CCDC13: variants seen among roughly 807,000 people sequenced by gnomAD.
CCDC13 encodes the protein coiled-coil domain-containing protein 13.
CCDC13 carries 70 observed loss-of-function variants against 87.3 expected under a neutral mutation model. The observed-to-expected ratio is 0.80, with a 90% CI of 0.66 to 0.98. The LOEUF is 0.98. Among genes scored for constraint, CCDC13 ranks in the 50% least tolerant of loss-of-function variants. The probability of loss-of-function intolerance (pLI) is 0.00; values close to 1 mark genes in which losing one functional copy is unlikely to be tolerated. For missense variants in CCDC13, 842 were observed against 892.0 expected (o/e 0.94, Z 0.71); for synonymous variants, 317 against 360.3 (o/e 0.88, Z 1.36).
chr3:42,731,810 C>A (rs1338876087), intron 12 of CCDC13, among the ~76,000 whole-genome samples: 1 of 152,168 alleles, frequency 6.6e-6, no homozygotes, highest in East Asian at 1.9e-4. Context: ...GTCCTGTCAC[C>A]TGTGGGAGGG....
intron 5 of CCDC13, among the ~76,000 whole-genome samples, chr3:42,748,147 T>G (rs1699470193): frequency 6.6e-6 from 1 of 152,186 alleles, no homozygotes; most frequent in African/African-American, 2.4e-5. Flanking sequence ...GGCTGACTAC[T>G]TCTCTGTCTT....
intron 1 of CCDC13, among the ~76,000 whole-genome samples, chr3:42,769,978 G>A (rs1013786068): frequency 6.6e-6 from 1 of 152,232 alleles, no homozygotes; most frequent in African/African-American, 2.4e-5. Context: ...GCGCGCCCCA[G>A]CCTCCCCAAC....
intron 13 of CCDC13, among the ~76,000 whole-genome samples, chr3:42,725,696 T>C (rs1294585050): frequency 6.6e-6 from 1 of 151,994 alleles, no homozygotes; most frequent in Non-Finnish European, 1.5e-5. Flanking sequence ...GTTCAGGGAA[T>C]CTAAGCCAAT....
At chr3:42,721,103 G>A (rs549228167) in intron 13 of CCDC13, among the ~76,000 whole-genome samples, 168 of 152,256 alleles carry the variant, frequency 1.1e-3, no homozygotes, top group South Asian at 5.4e-3. Flanking sequence ...TGTGTTACTG[G>A]TATATGTTCC....
At chr3:42,722,998 C>T (rs554628531) in intron 13 of CCDC13, among the ~76,000 whole-genome samples, 1 of 152,074 alleles carries the variant, frequency 6.6e-6, no homozygotes, top group African/African-American at 2.4e-5. Flanking sequence ...GGGGTTTCAC[C>T]CTGTTAGCCA....
intron 5 of CCDC13, among the ~76,000 whole-genome samples, chr3:42,751,227 C>T (rs1256428284): frequency 6.6e-6 from 1 of 152,144 alleles, no homozygotes; most frequent in East Asian, 1.9e-4. Flanking sequence ...GGCCTGGCTT[C>T]CCAAGAAAAC....
intron 14 of CCDC13, 138 bp downstream of exon 14, chr3:42,713,024 C>T (rs939632170): frequency 1.7e-5 from 16 of 955,556 alleles, no homozygotes; most frequent in Non-Finnish European, 2.3e-5. Context: ...ACAGTGGAGG[C>T]AGGCAGAGCT....
At chr3:42,742,763 C>G in intron 8 of CCDC13, 133 bp downstream of exon 8, 1 of 1,108,040 alleles carries the variant, frequency 9.0e-7, no homozygotes, top group Non-Finnish European at 1.3e-6. Context: ...CAGAGGTGAC[C>G]CAGGTCCCCA....
Position 42,709,667 on chromosome 3 carries a change from G to T in CCDC13, c.1988+17C>A. Reference sequence around the variant, plus strand: ...CAGACAACCCTACCCTTTCAGGAAGGCGGGGCAGGGGAGCACCTGGTTGTC... The same window carrying T: ...CAGACAACCCTACCCTTTCAGGAAGTCGGGGCAGGGGAGCACCTGGTTGTC... On this transcript the variant is annotated intron_variant, in intron 15 of 15. Transcript: ENST00000310232. 1 of 1,596,638 alleles carries T rather than the reference G, an allele frequency of 6.3e-7. No individual in the cohort carries two copies. The highest frequency in any genetic ancestry group is 8.6e-7 in the Non-Finnish European group (1 of 1,164,210).
chr3:42,733,771 T>TTATTA, intron 10 of CCDC13, 162 bp from the exon 11 acceptor site: 2 of 357,492 alleles, frequency 5.6e-6, no homozygotes, highest in Non-Finnish European at 7.8e-6. Context: ...ACTACTTGCA[T>TTATTA]GATAATGACA....
chr3:42,762,824 C>T (rs1488580939), intron 1 of CCDC13, among the ~76,000 whole-genome samples: 1 of 152,190 alleles, frequency 6.6e-6, no homozygotes, highest in Non-Finnish European at 1.5e-5. Flanking sequence ...TGGCTCACAC[C>T]TGTAATCCCA....
intron 1 of CCDC13, among the ~76,000 whole-genome samples, chr3:42,769,650 G>A (rs1001667845): frequency 6.6e-6 from 1 of 152,260 alleles, no homozygotes; most frequent in African/African-American, 2.4e-5. Flanking sequence ...TGCACTGTGG[G>A]AGACCCTCTC....
At chr3:42,744,330 C>T (rs1371289573) in intron 7 of CCDC13, among the ~76,000 whole-genome samples, 1 of 152,090 alleles carries the variant, frequency 6.6e-6, no homozygotes, top group Non-Finnish European at 1.5e-5. Flanking sequence ...CCCTGGTTTC[C>T]CTATCAACAC....
At position 42,767,286 on chromosome 3, in the gene CCDC13, G is replaced by A. The variant is rs148243159; in HGVS notation, c.-7+5890C>T. On this transcript the variant is annotated intron_variant, in intron 1 of 15. Coordinates refer to ENST00000310232, the MANE Select transcript of CCDC13 (RefSeq NM_144719.4). ...TTCCCACATACTAGCAATAAGCAAT[G>A]GAAAGCTCAAGTTAAAAATGCAATG... Among the ~76,000 whole-genome samples the A allele has an allele frequency of 1.3e-3, 195 of 152,162 alleles. 1 individual carries two copies. Among genetic ancestry groups the A allele is most frequent in the South Asian group, 8.7e-3 (42 of 4,810 alleles).
chr3:42,734,305 C>T (rs1698928358), intron 10 of CCDC13, among the ~76,000 whole-genome samples: 1 of 152,188 alleles, frequency 6.6e-6, no homozygotes, highest in African/African-American at 2.4e-5. Context: ...TGCTTGGCCC[C>T]CATTCAGCTG....
Position 42,733,540 on chromosome 3 carries a change from G to A in CCDC13, c.1441C>T (p.Leu481=), listed in dbSNP as rs1698898828. 3 of 1,614,124 alleles carry A rather than the reference G, an allele frequency of 1.9e-6. No homozygotes were observed. In the East Asian group the frequency reaches 6.7e-5, roughly 36 times the overall value. Residue 481 remains leucine, a synonymous_variant, in exon 11 of 16, where the codon CTG becomes TTG. Coordinates refer to ENST00000310232, the MANE Select transcript of CCDC13 (RefSeq NM_144719.4). ...GACTTGGTCAGGCCTGGGTCCTCCA[G>A]GAACTGGGTATAGGCAGGGCTGACC... ...REVSPAYTQF[L]EDPGLTKSPA... is the part of the protein sequence containing the mutation.
chr3:42,717,443 T>G (rs1391592718), intron 13 of CCDC13, among the ~76,000 whole-genome samples: 17 of 118,148 alleles, frequency 1.4e-4, no homozygotes, highest in East Asian at 2.4e-4. Context: ...AAAAAATAAG[T>G]AAAGAGGTTA....
At chr3:42,725,693 G>A (rs1698670632) in intron 13 of CCDC13, among the ~76,000 whole-genome samples, 1 of 152,024 alleles carries the variant, frequency 6.6e-6, no homozygotes, top group Admixed American at 6.6e-5. Flanking sequence ...TGTGTTCAGG[G>A]AATCTAAGCC....
chr3:42,730,506 C>T lies in CCDC13; in HGVS notation c.1679G>A (p.Arg560His), dbSNP rs1203828378. 6.8e-6 allele frequency: 11 copies of T among 1,614,030 alleles called. No homozygotes were observed. The highest frequency in any genetic ancestry group is 3.3e-5 in the Admixed American group (2 of 60,002). Reference sequence around the variant, plus strand: ...AGTGACAAACTCGGTGAGCCGGTCACGCTCCACCTCGGCAGCCTGCCAGAG... The same window carrying T: ...AGTGACAAACTCGGTGAGCCGGTCATGCTCCACCTCGGCAGCCTGCCAGAG... ...KALWQAAEVE[R>H]DRLTEFVTVL... is the part of the protein sequence containing the mutation. Residue 560 changes from arginine to histidine, a missense_variant, in exon 13 of 16, where the codon CGT becomes CAT. Physicochemically the swap from Arg to His is conservative, Grantham distance 29. Coordinates refer to ENST00000310232, the MANE Select transcript of CCDC13 (RefSeq NM_144719.4).
Sources: allele counts gnomAD v4.1 joint callset (sites outside exome capture counted in the v4.1 genomes callset), GRCh38; gene constraint gnomAD v4.1.1; transcripts MANE v1.5; gene names NCBI Gene and HGNC (gene_info 2026-07-23, HGNC 2026-07-21).